The following ASIC2 variants were observed in gnomAD, a reference collection of about 807,000 sequenced individuals.
The protein encoded by ASIC2 is acid sensing ion channel subunit 2.
In ASIC2, 25 loss-of-function variants were observed where a neutral mutation model predicts 57.3. The ratio of observed to expected loss-of-function variants is 0.44; its 90% confidence interval spans 0.32 to 0.61. ASIC2 has a LOEUF of 0.61. ASIC2 is among the 20% of genes least tolerant of loss of function. The probability of loss-of-function intolerance (pLI) is 0.06; values close to 1 mark genes in which losing one functional copy is unlikely to be tolerated. For synonymous variants in ASIC2, 319 were observed against 307.5 expected (o/e 1.04, Z -0.39); for missense variants, 641 against 738.1 (o/e 0.87, Z 1.52).
chr17:33,752,227 A>T (rs1347367090), intron 1 of ASIC2, among the ~76,000 whole-genome samples: 1 of 152,162 alleles, frequency 6.6e-6, no homozygotes, highest in East Asian at 1.9e-4. Flanking sequence ...AAAAAATATT[A>T]AAATTAAGAT....
At chr17:33,045,733 G>A (rs936155000) in intron 3 of ASIC2, among the ~76,000 whole-genome samples, 2 of 152,136 alleles carry the variant, frequency 1.3e-5, no homozygotes, top group Non-Finnish European at 2.9e-5. Flanking sequence ...AAGCTGGAAA[G>A]GGGCAATTTT....
intron 1 of ASIC2, among the ~76,000 whole-genome samples, chr17:33,383,724 G>A (rs887273938): frequency 1.3e-5 from 2 of 152,218 alleles, no homozygotes; most frequent in South Asian, 4.1e-4. Flanking sequence ...CAAATACAAT[G>A]AGCTTTTGCT....
At chr17:33,419,265 G>A (rs1910965923) in intron 1 of ASIC2, among the ~76,000 whole-genome samples, 1 of 152,190 alleles carries the variant, frequency 6.6e-6, no homozygotes, top group African/African-American at 2.4e-5. Context: ...CTCTATCTTG[G>A]CTGTTGATCT....
intron 1 of ASIC2, among the ~76,000 whole-genome samples, chr17:33,981,216 C>T (rs139711772): frequency 0.01 from 1,559 of 152,240 alleles, 40 homozygotes; most frequent in African/African-American, 0.036. Flanking sequence ...TCCCAAAGTG[C>T]TGGGATTACG....
At chr17:34,121,020 G>A (rs1467750490) in intron 1 of ASIC2, among the ~76,000 whole-genome samples, 2 of 152,014 alleles carry the variant, frequency 1.3e-5, no homozygotes, top group East Asian at 1.9e-4. Flanking sequence ...GATTACAGGC[G>A]TGAACCACCG....
intron 1 of ASIC2, among the ~76,000 whole-genome samples, chr17:33,242,546 A>G (rs1264748124): frequency 6.6e-6 from 1 of 152,160 alleles, no homozygotes; most frequent in African/African-American, 2.4e-5. Flanking sequence ...GATGACTTAA[A>G]TAGGATTTAA....
At chr17:34,072,335 A>G (rs1355275456) in intron 1 of ASIC2, 1 of 152,238 alleles carries the variant, frequency 6.6e-6, no homozygotes, top group Non-Finnish European at 1.5e-5. Context: ...CCTGTTAAGA[A>G]GAAGGGCATT....
chr17:33,139,351 C>T (rs1350174574), intron 1 of ASIC2, among the ~76,000 whole-genome samples: 1 of 152,212 alleles, frequency 6.6e-6, no homozygotes, highest in East Asian at 1.9e-4. Flanking sequence ...CAGTCCCTTC[C>T]CCAGATCTAT....
intron 1 of ASIC2, among the ~76,000 whole-genome samples, chr17:33,436,690 G>T (rs1371608782): frequency 6.6e-6 from 1 of 152,118 alleles, no homozygotes; most frequent in Admixed American, 6.6e-5. Context: ...TCACTCAGCT[G>T]CTCTGCATTA....
chr17:33,789,021 T>G (rs1911688600), intron 1 of ASIC2, among the ~76,000 whole-genome samples: 1 of 152,156 alleles, frequency 6.6e-6, no homozygotes, highest in Non-Finnish European at 1.5e-5. Context: ...TCCCATTTAT[T>G]TTTTTGAAGA....
At chr17:33,987,768 G>A (rs927841897) in intron 1 of ASIC2, among the ~76,000 whole-genome samples, 1 of 152,156 alleles carries the variant, frequency 6.6e-6, no homozygotes, top group Non-Finnish European at 1.5e-5. Context: ...CTTATCATTT[G>A]TGTTCACCCA....
At chr17:33,965,512 A>T (rs926271188) in intron 1 of ASIC2, among the ~76,000 whole-genome samples, 2 of 152,204 alleles carry the variant, frequency 1.3e-5, no homozygotes, top group African/African-American at 2.4e-5. Flanking sequence ...CTTCATGAGG[A>T]AGTGGCATCT....
At chr17:33,350,740 A>T (rs182041425) in intron 1 of ASIC2, among the ~76,000 whole-genome samples, 2 of 152,282 alleles carry the variant, frequency 1.3e-5, no homozygotes, top group Admixed American at 1.3e-4. Context: ...TTCTCTCTGC[A>T]TCTCAGGACC....
chr17:33,968,018 G>A (rs1260408192), intron 1 of ASIC2, among the ~76,000 whole-genome samples: 1 of 152,152 alleles, frequency 6.6e-6, no homozygotes, highest in Non-Finnish European at 1.5e-5. Flanking sequence ...CCATTTTACA[G>A]ATGTGAAAAC....
At chr17:33,562,975 CAGG>C (rs922599109) in intron 1 of ASIC2, among the ~76,000 whole-genome samples, 13 of 152,162 alleles carry the variant, frequency 8.5e-5, no homozygotes, top group African/African-American at 3.1e-4. Flanking sequence ...AGCTGCTCCA[CAGG>C]AGAACCACAG....
At chr17:33,744,916 T>C (rs1910215827) in intron 1 of ASIC2, among the ~76,000 whole-genome samples, 1 of 151,842 alleles carries the variant, frequency 6.6e-6, no homozygotes, top group African/African-American at 2.4e-5. Flanking sequence ...ACATGAAAAA[T>C]TATTAGCAAG....
At chr17:33,355,225 C>T (rs1213837359) in intron 1 of ASIC2, among the ~76,000 whole-genome samples, 5 of 152,030 alleles carry the variant, frequency 3.3e-5, no homozygotes, top group Non-Finnish European at 5.9e-5. Flanking sequence ...CCCAACTACT[C>T]GGGAAGCTGA....
intron 1 of ASIC2, among the ~76,000 whole-genome samples, chr17:33,799,423 C>CTT (rs1230862422): frequency 1.5e-5 from 1 of 66,716 alleles, no homozygotes; most frequent in Non-Finnish European, 3.0e-5. Context: ...TTCTTTCTTT[C>CTT]TTTCTTCTTT....
chr17:34,098,987 G>C (rs920702631), intron 1 of ASIC2, among the ~76,000 whole-genome samples: 2 of 151,770 alleles, frequency 1.3e-5, no homozygotes, highest in East Asian at 3.9e-4. Context: ...AAGTTTGGTG[G>C]GGGAGGTGAC....
Sources: allele counts gnomAD v4.1 joint callset (sites outside exome capture counted in the v4.1 genomes callset), GRCh38; gene constraint gnomAD v4.1.1; transcripts MANE v1.5; gene names NCBI Gene and HGNC (gene_info 2026-07-23, HGNC 2026-07-21).